Variants in FREM1 observed in about 807,000 individuals in gnomAD.
The protein encoded by FREM1 is FRAS1-related extracellular matrix protein 1.
A neutral mutation model predicts 210.1 loss-of-function variants in FREM1; 220 were observed. That is an observed-to-expected ratio of 1.05 (90% CI 0.94 to 1.17). FREM1 has a LOEUF of 1.17. Ranked by LOEUF, FREM1 falls within the 50% of genes most tolerant of loss-of-function variation. The pLI is 0.00. For synonymous variants in FREM1, 1,189 were observed against 980.2 expected, an observed-to-expected ratio of 1.21 and a Z score of -3.98; for missense variants, 3,454 against 2,675.5, an observed-to-expected ratio of 1.29 and a Z score of -6.42.
chr9:14,808,580 G>C (rs571641623), intron 16 of FREM1, among the ~76,000 whole-genome samples: 6 of 152,176 alleles, frequency 3.9e-5, no homozygotes, highest in Non-Finnish European at 7.3e-5. Context: ...CAACCACAGA[G>C]CAGTTATGAG....
chr9:14,907,626 T>C (rs1818004603), intron 1 of FREM1, among the ~76,000 whole-genome samples: 1 of 152,212 alleles, frequency 6.6e-6, no homozygotes, highest in South Asian at 2.1e-4. Context: ...TTGTAAGGAA[T>C]GGCTACATGC....
chr9:14,829,446 A>G (rs995360967), intron 10 of FREM1, among the ~76,000 whole-genome samples: 1 of 152,176 alleles, frequency 6.6e-6, no homozygotes, highest in South Asian at 2.1e-4. Context: ...TCCAACAAGC[A>G]TATGTTGGAA....
intron 10 of FREM1, among the ~76,000 whole-genome samples, chr9:14,830,985 T>C (rs1426683242): frequency 6.6e-6 from 1 of 152,202 alleles, no homozygotes; most frequent in Non-Finnish European, 1.5e-5. Flanking sequence ...ACGCTTATTG[T>C]TGGCTACCGT....
intron 21 of FREM1, among the ~76,000 whole-genome samples, chr9:14,795,439 G>C (rs1588030704): frequency 6.6e-6 from 1 of 152,212 alleles, no homozygotes; most frequent in Non-Finnish European, 1.5e-5. Flanking sequence ...AAAAGGGAGA[G>C]ACTGAAGATA....
intron 10 of FREM1, among the ~76,000 whole-genome samples, chr9:14,837,405 C>G (rs910368814): frequency 6.6e-6 from 1 of 151,962 alleles, no homozygotes; most frequent in Non-Finnish European, 1.5e-5. Flanking sequence ...TTCCTTCTTG[C>G]CCCGTCTTGT....
chr9:14,785,717 G>C (rs751885081), intron 23 of FREM1, among the ~76,000 whole-genome samples: 37 of 120,828 alleles, frequency 3.1e-4, no homozygotes, highest in South Asian at 1.1e-3. Context: ...GAAGTACCTA[G>C]AGTAGCAAAA....
intron 21 of FREM1, 63 bp from the exon 22 acceptor site, chr9:14,792,947 C>T: frequency 2.0e-6 from 2 of 1,002,292 alleles, no homozygotes; most frequent in Non-Finnish European, 2.9e-6. Flanking sequence ...GTAGGGGACA[C>T]TTATATTGAC....
intron 8 of FREM1, among the ~76,000 whole-genome samples, chr9:14,844,436 G>A (rs1158417304): frequency 6.6e-6 from 1 of 152,074 alleles, no homozygotes; most frequent in African/African-American, 2.4e-5. Flanking sequence ...TGTCGGCCAG[G>A]CTGGTCTTGA....
At chr9:14,830,407 C>T (rs1414126907) in intron 10 of FREM1, among the ~76,000 whole-genome samples, 2 of 152,184 alleles carry the variant, frequency 1.3e-5, no homozygotes, top group Non-Finnish European at 2.9e-5. Context: ...TAGTTTTCTA[C>T]TGTTTGCCTG....
At position 14,746,448 on chromosome 9, in the gene FREM1, A is replaced by C; in HGVS notation, c.6159T>G (p.Cys2053Trp). ...PQTKDVEDKS[C>W]PAGWHQHSGY... ...CTGAGTGCTGGTGCCACCCGGCTGG[A>C]CAGGATTTGTCTTCCACATCCTGAA... Residue 2053 changes from cysteine (C) to tryptophan (W), a missense_variant, in exon 35 of 37, where the codon TGT becomes TGG. Cys to Trp is a radical substitution (Grantham distance 215). Coordinates refer to ENST00000380880, the MANE Select transcript of FREM1 (RefSeq NM_001379081.2). 1 of 1,613,558 alleles carries C rather than the reference A, an allele frequency of 6.2e-7. No homozygotes were observed. The highest frequency in any genetic ancestry group is 8.5e-7 in the Non-Finnish European group (1 of 1,179,588).
intron 13 of FREM1, among the ~76,000 whole-genome samples, chr9:14,822,587 G>A (rs1821580002): frequency 6.6e-6 from 1 of 152,140 alleles, no homozygotes; most frequent in African/African-American, 2.4e-5. Context: ...AACCGGGTAG[G>A]TATGGGACAT....
chr9:14,764,338 C>G (rs1461532939), intron 27 of FREM1, among the ~76,000 whole-genome samples: 2 of 152,120 alleles, frequency 1.3e-5, no homozygotes, highest in Non-Finnish European at 2.9e-5. Flanking sequence ...ATACAACCAT[C>G]GAAAATATTT....
At chr9:14,876,899 A>G (rs1446169065) in intron 1 of FREM1, among the ~76,000 whole-genome samples, 1 of 152,198 alleles carries the variant, frequency 6.6e-6, no homozygotes, top group Non-Finnish European at 1.5e-5. Context: ...ATCTAACGCA[A>G]CAGCACATTC....
At chr9:14,871,599 T>C (rs1832693578) in intron 1 of FREM1, among the ~76,000 whole-genome samples, 2 of 152,316 alleles carry the variant, frequency 1.3e-5, no homozygotes, top group South Asian at 4.1e-4. Context: ...TCCCATTGTA[T>C]AGGTTGCCTG....
intron 10 of FREM1, among the ~76,000 whole-genome samples, chr9:14,833,024 G>C (rs1823862113): frequency 6.6e-6 from 1 of 152,124 alleles, no homozygotes; most frequent in African/African-American, 2.4e-5. Flanking sequence ...ATGTCCTTAG[G>C]AACATAATCG....
intron 14 of FREM1, among the ~76,000 whole-genome samples, chr9:14,818,527 G>A (rs188496318): frequency 4.9e-4 from 74 of 152,348 alleles, no homozygotes; most frequent in African/African-American, 1.7e-3. Flanking sequence ...CAGGTGAGAA[G>A]TGAGTGTGTG....
chr9:14,840,030 C>G lies in FREM1; in HGVS notation c.1881+1417G>C, dbSNP rs147077460. 1.1e-3 allele frequency among the ~76,000 whole-genome samples: 165 copies of G among 152,314 alleles called. 3 individuals are homozygous for G. In the South Asian group the frequency reaches 0.017, roughly 16 times the overall value. On this transcript the variant is annotated intron_variant, in intron 10 of 36. Coordinates refer to ENST00000380880, the MANE Select transcript of FREM1 (RefSeq NM_001379081.2). ...TGAGTTTTCTCATTCATTCTCTATT[C>G]CTTCTTAATAGGGATTACCTATTGC... is the stretch of plus-strand genomic sequence containing the variant.
rs1031579185 is a variant in FREM1 at position 14,841,329 on chromosome 9, C to T, written c.1881+118G>A. 8.8e-6 allele frequency: 7 copies of T among 799,468 alleles called. No individual in the cohort carries two copies. In the South Asian group the frequency reaches 8.9e-5, roughly 10 times the overall value. The allele number at this position is 799,468 out of a possible 1,614,324, so 49.5% of individuals were successfully genotyped here. On this transcript the variant is annotated intron_variant, in intron 10 of 36. Coordinates refer to ENST00000380880, the MANE Select transcript of FREM1 (RefSeq NM_001379081.2). The stretch of plus-strand genomic sequence containing the variant: ...AGAAATCTGCTTAATTTTGTTTAAT[C>T]GATTGTTTTTCAAATTTTAAACCTT...
chr9:14,876,362 C>T (rs558087604), intron 1 of FREM1, among the ~76,000 whole-genome samples: 27 of 152,202 alleles, frequency 1.8e-4, no homozygotes, highest in East Asian at 9.7e-4. Flanking sequence ...CTTTGTTTAC[C>T]TAAGCAAGCC....
Sources: gnomAD v4.1 joint callset for allele counts (sites outside exome capture counted in the v4.1 genomes callset) on GRCh38, gnomAD v4.1.1 for gene constraint, MANE v1.5 for transcripts, NCBI Gene and HGNC (gene_info 2026-07-23, HGNC 2026-07-21) for gene names.